PTPN3: variants seen among roughly 807,000 people sequenced by gnomAD.
PTPN3 encodes the protein protein tyrosine phosphatase non-receptor type 3, also known as tyrosine-protein phosphatase non-receptor type 3.
PTPN3 carries 96 observed loss-of-function variants against 132.7 expected under a neutral mutation model. The ratio of observed to expected loss-of-function variants is 0.72; its 90% confidence interval spans 0.61 to 0.86. The LOEUF is 0.86. Ranked by LOEUF, PTPN3 falls within the 40% of genes least tolerant of loss-of-function variation. The pLI, the probability that PTPN3 is intolerant of heterozygous loss-of-function variation, is 0.00. For missense variants in PTPN3, 1,125 were observed against 1,159.6 expected (o/e 0.97, Z 0.43); for synonymous variants, 398 against 429.0 (o/e 0.93, Z 0.89).
In PTPN3 at chr9:109,482,117, T is replaced by C. The variant is rs199904647; in HGVS notation, c.-18+16102A>G. Among the ~76,000 whole-genome samples, 8 of 152,330 alleles carry C rather than the reference T, an allele frequency of 5.3e-5. No individual in the cohort carries two copies. In the East Asian group the frequency reaches 9.6e-4, roughly 18 times the overall value. On this transcript the variant is annotated intron_variant, in intron 1 of 25. Transcript: ENST00000374541. Reference sequence around the variant, plus strand: ...CGCGCAGGGATTACACCTGCACTTTTAGAAGGCTTGTGTCAGCGCTAACAC... The same window carrying C: ...CGCGCAGGGATTACACCTGCACTTTCAGAAGGCTTGTGTCAGCGCTAACAC...
intron 17 of PTPN3, 62 bp from the exon 18 acceptor site, chr9:109,406,680 G>C (rs769974244): frequency 6.3e-7 from 1 of 1,585,100 alleles, no homozygotes; most frequent in Non-Finnish European, 8.6e-7. Flanking sequence ...GGGGAAGAAC[G>C]CTGACTCGCT....
chr9:109,453,481 G>C lies in PTPN3; in HGVS notation c.368+1015C>G, dbSNP rs148463985. On this transcript the variant is annotated intron_variant, in intron 5 of 25. Transcript: ENST00000374541. ...GTGTTAAAACAGCAACAACTTTCTT[G>C]TGCTACACTCTCCTACTCCATTCCA... Among the ~76,000 whole-genome samples, 302 of 152,254 alleles carry C rather than the reference G, an allele frequency of 2.0e-3. 1 individual carries two copies. The highest frequency in any genetic ancestry group is 6.7e-3 in the African/African-American group (280 of 41,542).
At chr9:109,389,747 A>T (rs1839908157) in intron 21 of PTPN3, among the ~76,000 whole-genome samples, 1 of 152,204 alleles carries the variant, frequency 6.6e-6, no homozygotes, top group African/African-American at 2.4e-5. Context: ...TTCCCTATGC[A>T]GGGTTTTCTA....
At chr9:109,417,210 C>T (rs2131818807) in intron 14 of PTPN3, among the ~76,000 whole-genome samples, 1 of 152,350 alleles carries the variant, frequency 6.6e-6, no homozygotes, top group South Asian at 2.1e-4. Context: ...ATAAACTTTG[C>T]TGTGCTGCTA....
intron 20 of PTPN3, 33 bp downstream of exon 20, chr9:109,391,437 AG>A (rs1352854791): frequency 6.4e-7 from 1 of 1,561,482 alleles, no homozygotes; most frequent in Admixed American, 1.7e-5. Flanking sequence ...ATCTCAGTGT[AG>A]GGGGGAAGGA....
chr9:109,433,916 TAAAAAAAAA>T (rs1170933792), intron 9 of PTPN3, among the ~76,000 whole-genome samples: 1 of 98,284 alleles, frequency 1.0e-5, no homozygotes, highest in Admixed American at 1.2e-4. Flanking sequence ...AGACTCTGTT[TAAAAAAAAA>T]AAAAAAAAAA....
chr9:109,492,372 T>C (rs1847501487), intron 1 of PTPN3, among the ~76,000 whole-genome samples: 2 of 152,192 alleles, frequency 1.3e-5, no homozygotes, highest in South Asian at 4.1e-4. Flanking sequence ...GGATGCTCCC[T>C]CTTGGAATAT....
At chr9:109,381,552 T>A in intron 25 of PTPN3, 100 bp downstream of exon 25, 1 of 1,494,816 alleles carries the variant, frequency 6.7e-7, no homozygotes, top group Admixed American at 1.7e-5. Context: ...TCAGTCCCCC[T>A]GAGCTGCAGT....
chr9:109,416,530 C>T (rs1176892761), intron 14 of PTPN3, among the ~76,000 whole-genome samples: 1 of 151,312 alleles, frequency 6.6e-6, no homozygotes, highest in Admixed American at 6.6e-5. Context: ...ACTGCAGCCT[C>T]GACCTCCTGG....
At chr9:109,505,909 C>T in the PTPN3 span, among the ~76,000 whole-genome samples, 9 of 152,048 alleles carry the variant, frequency 5.9e-5, no homozygotes, top group Middle Eastern at 3.4e-3. Context: ...GCCGCTATGC[C>T]CGGCTAATTT....
intron 19 of PTPN3, among the ~76,000 whole-genome samples, chr9:109,401,090 T>TCCC (rs757202257): frequency 6.3e-4 from 96 of 152,364 alleles, no homozygotes; most frequent in Non-Finnish European, 2.6e-4. Flanking sequence ...AAGAAGGGTT[T>TCCC]CCTACTTAAA....
chr9:109,400,014 A>G (rs913208249), intron 19 of PTPN3, among the ~76,000 whole-genome samples: 1 of 151,286 alleles, frequency 6.6e-6, no homozygotes. Flanking sequence ...TGCAGCCTCA[A>G]CTTCCCAGGC....
chr9:109,448,520 A>C (rs1845014213), intron 6 of PTPN3, among the ~76,000 whole-genome samples: 1 of 152,180 alleles, frequency 6.6e-6, no homozygotes, highest in Non-Finnish European at 1.5e-5. Flanking sequence ...CCCATTGTAC[A>C]TTCTGGGTCC....
At chr9:109,483,741 A>AC (rs1847074864) in intron 1 of PTPN3, among the ~76,000 whole-genome samples, 1 of 152,142 alleles carries the variant, frequency 6.6e-6, no homozygotes, top group Admixed American at 6.5e-5. Context: ...AACCCGACAG[A>AC]CCCCAGACGC....
At chr9:109,454,963 G>A (rs1166013452) in intron 4 of PTPN3, among the ~76,000 whole-genome samples, 3 of 152,184 alleles carry the variant, frequency 2.0e-5, no homozygotes, top group Non-Finnish European at 2.9e-5. Flanking sequence ...GCATTTTCAT[G>A]TACATTCCTG....
chr9:109,379,214 A>G lies in PTPN3; in HGVS notation c.*342T>C. On this transcript the variant is annotated 3_prime_UTR_variant, in exon 26 of 26. Transcript: ENST00000374541. ...ACCACACCATCTTGTTGCTGGGAGG[A>G]CAACAGCTCTGTGGGTGTCCGGTCT... The G allele has an allele frequency of 4.4e-6, 1 of 226,252 alleles. No homozygotes were observed. Among genetic ancestry groups the G allele is most frequent in the Admixed American group, 5.5e-5 (1 of 18,086 alleles). The allele number at this position is 226,252 out of a possible 1,614,324, so 14.0% of individuals were successfully genotyped here.
chr9:109,457,253 G>A (rs370620338), intron 3 of PTPN3, 38 bp from the exon 4 acceptor site: 48 of 1,612,570 alleles, frequency 3.0e-5, no homozygotes, highest in Middle Eastern at 1.6e-4. Flanking sequence ...AAAGCAAACC[G>A]TGAAGGAGTT....
At chr9:109,432,365 G>A (rs554239076) in intron 10 of PTPN3, among the ~76,000 whole-genome samples, 4 of 151,930 alleles carry the variant, frequency 2.6e-5, no homozygotes, top group South Asian at 2.1e-4. Context: ...TTTTTTCCCC[G>A]TTTGTCCTTT....
At chr9:109,534,222 G>T in the PTPN3 span, 1 of 1,399,752 alleles carries the variant, frequency 7.1e-7, no homozygotes, top group Non-Finnish European at 9.9e-7. Context: ...CCGGGCCACC[G>T]TTTCCTGTGC....
Sources: gnomAD v4.1 joint callset for allele counts (sites outside exome capture counted in the v4.1 genomes callset) on GRCh38, gnomAD v4.1.1 for gene constraint, MANE v1.5 for transcripts, NCBI Gene and HGNC (gene_info 2026-07-23, HGNC 2026-07-21) for gene names.